ST8SIA2: variants seen among roughly 807,000 people sequenced by gnomAD.
ST8SIA2 encodes the protein alpha-2,8-sialyltransferase 8B.
A neutral mutation model predicts 37.6 loss-of-function variants in ST8SIA2; 22 were observed. The observed-to-expected ratio is 0.58, with a 90% CI of 0.42 to 0.83. The LOEUF is 0.83. Among genes scored for constraint, ST8SIA2 ranks in the 40% least tolerant of loss-of-function variants. The probability of loss-of-function intolerance (pLI) is 0.00; values close to 1 mark genes in which losing one functional copy is unlikely to be tolerated. For missense variants in ST8SIA2, 382 were observed against 484.7 expected (o/e 0.79, Z 1.99); for synonymous variants, 205 against 201.2 (o/e 1.02, Z -0.16).
intron 1 of ST8SIA2, among the ~76,000 whole-genome samples, chr15:92,412,002 C>T (rs1378037083): frequency 6.6e-6 from 1 of 152,156 alleles, no homozygotes; most frequent in Non-Finnish European, 1.5e-5. Context: ...CAGGCAGGTG[C>T]TCCCGGTGGG....
At position 92,406,938 on chromosome 15, in the gene ST8SIA2, G is replaced by A. The variant is rs553727546; in HGVS notation, c.98+12776G>A. Reference sequence around the variant, plus strand: ...GAACCTGGGAGGCGGAGGTTGCAGTGAGTCAAGATGTCACCATTACACTCC... The same window carrying A: ...GAACCTGGGAGGCGGAGGTTGCAGTAAGTCAAGATGTCACCATTACACTCC... On this transcript the variant is annotated intron_variant, in intron 1 of 5. Coordinates refer to ENST00000268164, the MANE Select transcript of ST8SIA2 (RefSeq NM_006011.4). 3.2e-4 allele frequency among the ~76,000 whole-genome samples: 47 copies of A among 146,702 alleles called. No homozygotes were observed. In the East Asian group the frequency reaches 9.2e-3, roughly 29 times the overall value.
rs78179802 is a variant in ST8SIA2, at chr15:92,442,609, C to G, written c.549-2027C>G. Reference sequence around the variant, plus strand: ...AGGACCCTCAGGAAGGCCTTGGAAGCCTGGCTCAGCCGGGTTTCAAGGCAA... The same window carrying G: ...AGGACCCTCAGGAAGGCCTTGGAAGGCTGGCTCAGCCGGGTTTCAAGGCAA... On this transcript the variant is annotated intron_variant, in intron 4 of 5. Coordinates refer to ENST00000268164, the MANE Select transcript of ST8SIA2 (RefSeq NM_006011.4). Among the ~76,000 whole-genome samples the G allele has an allele frequency of 3.3e-5, 5 of 152,282 alleles. No homozygotes were observed. The East Asian group carries it at 9.7e-4, about 29-fold the overall frequency.
chr15:92,443,198 C>T (rs1257032168), intron 4 of ST8SIA2, among the ~76,000 whole-genome samples: 1 of 152,190 alleles, frequency 6.6e-6, no homozygotes, highest in Non-Finnish European at 1.5e-5. Context: ...TGTCTCCAGC[C>T]TCTATTTTTA....
intron 3 of ST8SIA2, 70 bp from the exon 4 acceptor site, chr15:92,438,276 CTGGATAG>C (rs1327558800): frequency 6.2e-7 from 1 of 1,610,808 alleles, no homozygotes; most frequent in Non-Finnish European, 8.5e-7. Flanking sequence ...CAGGGCGACC[CTGGATAG>C]GAAAAGCTGG....
intron 1 of ST8SIA2, chr15:92,420,953 G>C (rs2049629221): frequency 6.6e-6 from 1 of 152,276 alleles, no homozygotes; most frequent in African/African-American, 2.4e-5. Context: ...CGCCCGTCTT[G>C]GTGAGCAAGA....
chr15:92,396,867 C>T (rs2049435811), intron 1 of ST8SIA2, among the ~76,000 whole-genome samples: 1 of 152,196 alleles, frequency 6.6e-6, no homozygotes, highest in African/African-American at 2.4e-5. Context: ...CAATAAGAGC[C>T]TTGGCACAGT....
At chr15:92,414,568 A>T (rs1046657789) in intron 1 of ST8SIA2, among the ~76,000 whole-genome samples, 42 of 152,256 alleles carry the variant, frequency 2.8e-4, no homozygotes, top group African/African-American at 9.9e-4. Flanking sequence ...AGTCAGTTGG[A>T]GGAAGAAAAA....
intron 1 of ST8SIA2, among the ~76,000 whole-genome samples, chr15:92,408,522 A>C (rs1254572413): frequency 6.6e-6 from 1 of 152,006 alleles, no homozygotes; most frequent in African/African-American, 2.4e-5. Flanking sequence ...GGGAGGGAGT[A>C]AGTTCCTTGA....
Position 92,394,166 on chromosome 15 carries a change from A to C in ST8SIA2, c.98+4A>C. The C allele has an allele frequency of 6.4e-7, 1 of 1,552,948 alleles. No individual in the cohort carries two copies. The highest frequency in any genetic ancestry group is 1.2e-5 in the South Asian group (1 of 84,252). On this transcript the variant is annotated splice_donor_region_variant and intron_variant, in intron 1 of 5. Transcript: ENST00000268164. ...CAGAGATCGAAGAAGAAATCGGGTA[A>C]ATAGCTGCTCCCAGGCCCGTGCCAC...
intron 4 of ST8SIA2, 73 bp from the exon 5 acceptor site, chr15:92,444,563 G>T: frequency 5.0e-6 from 8 of 1,594,634 alleles, no homozygotes; most frequent in Non-Finnish European, 6.9e-6. Context: ...AGAGGCAAAG[G>T]ATGGGATCGA....
chr15:92,450,353 C>T (rs554889904), intron 5 of ST8SIA2, among the ~76,000 whole-genome samples: 21 of 152,264 alleles, frequency 1.4e-4, no homozygotes, highest in African/African-American at 4.6e-4. Context: ...CAAGATGCTC[C>T]GCTGATCATG....
intron 5 of ST8SIA2, among the ~76,000 whole-genome samples, chr15:92,463,490 A>T (rs765980209): frequency 1.3e-5 from 2 of 152,186 alleles, no homozygotes; most frequent in Non-Finnish European, 2.9e-5. Flanking sequence ...GCAAGGATGG[A>T]ATCAGGAATG....
chr15:92,426,849 G>A (rs1469895654), intron 1 of ST8SIA2, among the ~76,000 whole-genome samples: 2 of 152,236 alleles, frequency 1.3e-5, no homozygotes, highest in South Asian at 2.1e-4. Flanking sequence ...AGCACTTTGG[G>A]AAGCCAAGGC....
intron 5 of ST8SIA2, among the ~76,000 whole-genome samples, chr15:92,454,359 C>A (rs1022496137): frequency 6.6e-6 from 1 of 152,110 alleles, no homozygotes; most frequent in Non-Finnish European, 1.5e-5. Flanking sequence ...TTAAGGCCCA[C>A]CCTAGTGACC....
At position 92,394,425 on chromosome 15, in the gene ST8SIA2, C is replaced by G. The variant is rs555665471; in HGVS notation, c.98+263C>G. Among the ~76,000 whole-genome samples the G allele has an allele frequency of 6.6e-3, 1,001 of 152,170 alleles. 13 individuals carry two copies. The highest frequency in any genetic ancestry group is 0.023 in the African/African-American group (955 of 41,528). ...GCTGGCCCGCGTCGGGAAGCGGACT[C>G]GCCCACCCTGCCCCCCTGCCTGGCG... is the stretch of plus-strand genomic sequence containing the variant. On this transcript the variant is annotated intron_variant, in intron 1 of 5. Coordinates refer to ENST00000268164, the MANE Select transcript of ST8SIA2 (RefSeq NM_006011.4).
At chr15:92,405,680 G>A (rs1237054517) in intron 1 of ST8SIA2, among the ~76,000 whole-genome samples, 1 of 152,334 alleles carries the variant, frequency 6.6e-6, no homozygotes, top group Non-Finnish European at 1.5e-5. Context: ...AGGGAGAAAA[G>A]GGGGGAGGTG....
At position 92,444,788 on chromosome 15, in the gene ST8SIA2, A is replaced by G. The variant is rs756012214; in HGVS notation, c.701A>G (p.Asn234Ser). 28 of 1,614,014 alleles carry G rather than the reference A, an allele frequency of 1.7e-5. No individual in the cohort carries two copies. The highest frequency in any genetic ancestry group is 3.3e-5 in the South Asian group (3 of 91,092). ...EKLLQRLHSL[N>S]GSILWIPAFM... The stretch of plus-strand genomic sequence containing the variant: ...CTGCTGCAACGGCTGCACAGCCTCA[A>G]TGGCAGCATCCTGTGGATCCCTGCC... The change falls in exon 5 of 6, where the codon AAT becomes AGT. Residue 234 changes from asparagine to serine, a missense_variant. By Grantham distance (46) the Asn-to-Ser change is conservative. Transcript: ENST00000268164.
chr15:92,420,459 A>G (rs2049624952), intron 1 of ST8SIA2, among the ~76,000 whole-genome samples: 1 of 152,170 alleles, frequency 6.6e-6, no homozygotes, highest in African/African-American at 2.4e-5. Flanking sequence ...GACTAGGGAA[A>G]TTGGCTGGAA....
chr15:92,403,360 C>T (rs1445454893), intron 1 of ST8SIA2, among the ~76,000 whole-genome samples: 1 of 152,170 alleles, frequency 6.6e-6, no homozygotes, highest in Non-Finnish European at 1.5e-5. Flanking sequence ...GCCTCCTACA[C>T]TTTATCCCGT....
Sources: gnomAD v4.1 joint callset for allele counts (sites outside exome capture counted in the v4.1 genomes callset) on GRCh38, gnomAD v4.1.1 for gene constraint, MANE v1.5 for transcripts, NCBI Gene and HGNC (gene_info 2026-07-23, HGNC 2026-07-21) for gene names.